Variants in TOX observed in about 807,000 individuals in gnomAD.
TOX encodes thymocyte selection-associated high mobility group box protein TOX.
In TOX, 11 loss-of-function variants were observed where a neutral mutation model predicts 53.7. The observed-to-expected ratio is 0.20, with a 90% CI of 0.13 to 0.34. The LOEUF (loss-of-function observed/expected upper bound fraction) is 0.34, where lower values mean the gene tolerates loss of function less well. Ranked by LOEUF, TOX falls within the 10% of genes least tolerant of loss-of-function variation. The probability of loss-of-function intolerance (pLI) is 1.00; values close to 1 mark genes in which losing one functional copy is unlikely to be tolerated. For synonymous variants in TOX, 225 were observed against 245.3 expected (o/e 0.92, Z 0.77); for missense variants, 570 against 664.6 (o/e 0.86, Z 1.56).
At chr8:59,017,996 C>G (rs378617) in intron 1 of TOX, among the ~76,000 whole-genome samples, 1 of 151,958 alleles carries the variant, frequency 6.6e-6, no homozygotes, top group African/African-American at 2.4e-5. Context: ...CAATGGCAAA[C>G]GATAGATACA....
Position 59,040,724 on chromosome 8 carries a change from C to T in TOX, c.102+78162G>A, listed in dbSNP as rs568958480. ...CAAAGCACACTTTGACTAGAAAGTC[C>T]AAGGGTAGTTCAGGAAGAATCAAAT... On this transcript the variant is annotated intron_variant, in intron 1 of 8. Transcript: ENST00000361421. 2.0e-5 allele frequency among the ~76,000 whole-genome samples: 3 copies of T among 152,280 alleles called. No individual in the cohort carries two copies. The South Asian group carries it at 6.2e-4, about 32-fold the overall frequency.
chr8:58,913,905 G>A (rs1236238677), intron 3 of TOX, among the ~76,000 whole-genome samples: 2 of 152,150 alleles, frequency 1.3e-5, no homozygotes, highest in East Asian at 1.9e-4. Context: ...GCCACTTTTC[G>A]AGAAAAATAT....
intron 1 of TOX, among the ~76,000 whole-genome samples, chr8:59,083,675 T>G (rs1257817785): frequency 6.6e-6 from 1 of 152,168 alleles, no homozygotes; most frequent in African/African-American, 2.4e-5. Flanking sequence ...GTAATAAATA[T>G]TCTCTTGCCA....
chr8:58,852,220 C>T (rs1040114010), intron 3 of TOX, among the ~76,000 whole-genome samples: 2 of 152,104 alleles, frequency 1.3e-5, no homozygotes, highest in African/African-American at 4.8e-5. Context: ...TTAGTGATTA[C>T]AATATTCACA....
chr8:59,002,617 A>C (rs1309743484), intron 1 of TOX, among the ~76,000 whole-genome samples: 5 of 151,400 alleles, frequency 3.3e-5, no homozygotes, highest in Admixed American at 2.6e-4. Context: ...CAAAAAAAAA[A>C]CAAACAAAAA....
chr8:59,011,302 T>G (rs1813899051), intron 1 of TOX, among the ~76,000 whole-genome samples: 1 of 152,160 alleles, frequency 6.6e-6, no homozygotes, highest in South Asian at 2.1e-4. Flanking sequence ...CTACTCTATC[T>G]CCTAAGCACA....
intron 3 of TOX, among the ~76,000 whole-genome samples, chr8:58,914,568 G>T (rs1368991813): frequency 6.6e-6 from 1 of 152,116 alleles, no homozygotes; most frequent in African/African-American, 2.4e-5. Flanking sequence ...AGAAATACTG[G>T]CATCTAATGG....
At chr8:58,826,741 T>A in intron 6 of TOX, 81 bp downstream of exon 6, 3 of 1,206,430 alleles carry the variant, frequency 2.5e-6, no homozygotes, top group South Asian at 1.6e-5. Context: ...GTTAAAGTGA[T>A]CTTTTATGCC....
intron 1 of TOX, among the ~76,000 whole-genome samples, chr8:59,063,597 A>T (rs546070264): frequency 6.6e-6 from 1 of 151,702 alleles, no homozygotes; most frequent in African/African-American, 2.4e-5. Flanking sequence ...CTAATTTTTT[A>T]TATTTTTAGT....
chr8:59,069,904 T>C (rs1804163213), intron 1 of TOX, among the ~76,000 whole-genome samples: 1 of 152,090 alleles, frequency 6.6e-6, no homozygotes, highest in Non-Finnish European at 1.5e-5. Context: ...CTAAGAAGTG[T>C]GAAGGGCACT....
chr8:59,092,265 T>TTATA lies in TOX; in HGVS notation c.102+26617_102+26620dup, dbSNP rs201625696. Among the ~76,000 whole-genome samples, 310 of 89,824 alleles carry TTATA rather than the reference T, an allele frequency of 3.5e-3. 12 individuals are homozygous for TTATA. The highest frequency in any genetic ancestry group is 0.014 in the East Asian group (52 of 3,752). The allele number at this position is 89,824 out of a possible 152,430, so 58.9% of individuals were successfully genotyped here. ...AGACTCCATCTCATATATATATATT[T>TTATA]TATATATATATATATATTATATATA... is the stretch of plus-strand genomic sequence containing the variant. On this transcript the variant is annotated intron_variant, in intron 1 of 8. Coordinates refer to ENST00000361421, the MANE Select transcript of TOX (RefSeq NM_014729.3).
intron 3 of TOX, among the ~76,000 whole-genome samples, chr8:58,920,721 T>TAAAAAAAAAAAAAAAAAA (rs5891703): frequency 4.2e-4 from 34 of 80,998 alleles, no homozygotes; most frequent in South Asian, 1.1e-3. Flanking sequence ...AAAAAAACAT[T>TAAAAAAAAAAAAAAAAAA]AAAAAAAAAA....
intron 1 of TOX, among the ~76,000 whole-genome samples, chr8:59,080,176 T>C (rs988882415): frequency 3.9e-5 from 6 of 151,992 alleles, no homozygotes; most frequent in Non-Finnish European, 5.9e-5. Flanking sequence ...AGACACAGGG[T>C]TTCACCATGT....
chr8:58,856,975 G>C (rs1810928213), intron 3 of TOX, among the ~76,000 whole-genome samples: 3 of 152,060 alleles, frequency 2.0e-5, no homozygotes, highest in Admixed American at 2.0e-4. Context: ...TTCTGTTATA[G>C]GCAGCCCAAC....
intron 6 of TOX, among the ~76,000 whole-genome samples, chr8:58,819,687 T>C (rs1165742767): frequency 6.6e-6 from 1 of 152,220 alleles, no homozygotes; most frequent in Admixed American, 6.5e-5. Context: ...TAATACTGCA[T>C]AGTGTATAAA....
chr8:58,808,294 A>G (rs1359944050), intron 7 of TOX, 25 bp from the exon 8 acceptor site: 7 of 1,591,880 alleles, frequency 4.4e-6, no homozygotes, highest in Middle Eastern at 1.7e-4. Context: ...AAGTCCGCAA[A>G]TAAGGATCAA....
chr8:59,061,280 T>C (rs1174651399), intron 1 of TOX, among the ~76,000 whole-genome samples: 1 of 152,210 alleles, frequency 6.6e-6, no homozygotes, highest in African/African-American at 2.4e-5. Context: ...AGCTTCTAAA[T>C]AATCAATGTG....
intron 1 of TOX, among the ~76,000 whole-genome samples, chr8:59,021,174 G>T (rs1814121521): frequency 6.8e-6 from 1 of 146,308 alleles, no homozygotes; most frequent in African/African-American, 2.5e-5. Flanking sequence ...AGCAGAAAAT[G>T]TATCTAAAAC....
intron 1 of TOX, among the ~76,000 whole-genome samples, chr8:58,969,984 C>T (rs560448054): frequency 6.6e-6 from 1 of 152,206 alleles, no homozygotes; most frequent in African/African-American, 2.4e-5. Flanking sequence ...ATGATGCTAA[C>T]AGGCACAAAC....
Sources: gnomAD v4.1 joint callset for allele counts (sites outside exome capture counted in the v4.1 genomes callset) on GRCh38, gnomAD v4.1.1 for gene constraint, MANE v1.5 for transcripts, NCBI Gene and HGNC (gene_info 2026-07-23, HGNC 2026-07-21) for gene names.